Variants in ARL8B observed in about 807,000 individuals in gnomAD.
ARL8B encodes the protein ARF like GTPase 8B.
Under a neutral mutation model 30.6 loss-of-function variants are expected in ARL8B, and 9 were observed. The observed-to-expected ratio is 0.29, with a 90% CI of 0.18 to 0.51. The LOEUF (loss-of-function observed/expected upper bound fraction) is 0.51, where lower values mean the gene tolerates loss of function less well. Among genes scored for constraint, ARL8B ranks in the 20% least tolerant of loss-of-function variants. The probability of loss-of-function intolerance (pLI) is 0.97; values close to 1 mark genes in which losing one functional copy is unlikely to be tolerated. For missense variants in ARL8B, 130 were observed against 227.2 expected (o/e 0.57, Z 2.75); for synonymous variants, 74 against 76.0 (o/e 0.97, Z 0.14).
At chr3:5,168,847 C>G (rs550054100) in intron 1 of ARL8B, among the ~76,000 whole-genome samples, 2 of 152,288 alleles carry the variant, frequency 1.3e-5, no homozygotes, top group African/African-American at 4.8e-5. Context: ...ATTTTAGCTA[C>G]TATTTTTCCT....
chr3:5,165,190 T>C (rs2054613743), intron 1 of ARL8B, among the ~76,000 whole-genome samples: 1 of 152,208 alleles, frequency 6.6e-6, no homozygotes, highest in Non-Finnish European at 1.5e-5. Context: ...AACTTCTTGC[T>C]CTTCATCAAA....
intron 1 of ARL8B, among the ~76,000 whole-genome samples, chr3:5,136,505 G>A (rs1432940710): frequency 6.6e-6 from 1 of 152,134 alleles, no homozygotes; most frequent in Non-Finnish European, 1.5e-5. Flanking sequence ...TGGAAGCTGG[G>A]CATGACTTTA....
chr3:5,136,560 A>C (rs2054327288), intron 1 of ARL8B, among the ~76,000 whole-genome samples: 1 of 152,182 alleles, frequency 6.6e-6, no homozygotes, highest in African/African-American at 2.4e-5. Flanking sequence ...TCTTTGTGCC[A>C]AGTGTTTTAA....
rs58427131 is a variant in ARL8B at position 5,153,630 on chromosome 3, G to GA, written c.124-16864dup. 1.0e-3 allele frequency among the ~76,000 whole-genome samples: 154 copies of GA among 151,384 alleles called. 1 individual carries two copies. Among genetic ancestry groups the GA allele is most frequent in the Non-Finnish European group, 6.8e-4 (46 of 67,808 alleles). On this transcript the variant is annotated intron_variant, in intron 1 of 6. Transcript: ENST00000256496. ...CAATGTCGAATTTTACCTATTCTTT[G>GA]AAAAAAAAATTTTTTCCTTTCAGCC...
chr3:5,151,872 A>C (rs397188), intron 1 of ARL8B, among the ~76,000 whole-genome samples: 1 of 152,080 alleles, frequency 6.6e-6, no homozygotes, highest in Non-Finnish European at 1.5e-5. Context: ...CCACAGGCTC[A>C]CACGACCACG....
chr3:5,170,792 C>T (rs1167749870), intron 2 of ARL8B: 3 of 427,944 alleles, frequency 7.0e-6, no homozygotes, highest in African/African-American at 4.2e-5. Flanking sequence ...AGTGCAGTGT[C>T]GCGATCTCCA....
At chr3:5,130,588 C>T (rs958718293) in intron 1 of ARL8B, among the ~76,000 whole-genome samples, 1 of 150,742 alleles carries the variant, frequency 6.6e-6, no homozygotes, top group African/African-American at 2.4e-5. Context: ...GGCTGAAGGG[C>T]AGTGGCATGA....
chr3:5,139,744 A>G (rs568141537), intron 1 of ARL8B, among the ~76,000 whole-genome samples: 1 of 152,322 alleles, frequency 6.6e-6, no homozygotes, highest in African/African-American at 2.4e-5. Context: ...TGGCCCAGAA[A>G]AACTCCTATG....
chr3:5,154,783 T>C (rs1347724904), intron 1 of ARL8B, among the ~76,000 whole-genome samples: 1 of 152,242 alleles, frequency 6.6e-6, no homozygotes. Context: ...CGATCTTGGC[T>C]CACTGCAACC....
intron 2 of ARL8B, 62 bp from the exon 3 acceptor site, chr3:5,172,088 T>G: frequency 1.4e-6 from 2 of 1,442,334 alleles, no homozygotes. Flanking sequence ...TTTCTGTTAC[T>G]TCCTCTTGCA....
intron 1 of ARL8B, among the ~76,000 whole-genome samples, chr3:5,166,546 C>T (rs1440830088): frequency 6.6e-6 from 1 of 151,110 alleles, no homozygotes; most frequent in African/African-American, 2.4e-5. Flanking sequence ...CCATGTTGCC[C>T]AGACTGGTCT....
rs141881041 is a variant in ARL8B at position 5,153,841 on chromosome 3, G to A, written c.124-16662G>A. ...TCTGCTGGCTACAGATTTTAGTTTA[G>A]TTTAGTTTTCCTGCATCTGAGAATG... On this transcript the variant is annotated intron_variant, in intron 1 of 6. Coordinates refer to ENST00000256496, the MANE Select transcript of ARL8B (RefSeq NM_018184.3). Among the ~76,000 whole-genome samples the A allele has an allele frequency of 5.7e-3, 871 of 151,920 alleles. 13 individuals are homozygous for A. The highest frequency in any genetic ancestry group is 0.02 in the African/African-American group (809 of 41,474).
intron 1 of ARL8B, among the ~76,000 whole-genome samples, chr3:5,124,586 C>T (rs2054213712): frequency 6.6e-6 from 1 of 152,086 alleles, no homozygotes; most frequent in Admixed American, 6.6e-5. Flanking sequence ...CCTGTCTCAG[C>T]CTCCCAAGTA....
At chr3:5,149,027 G>A (rs1008626322) in intron 1 of ARL8B, among the ~76,000 whole-genome samples, 6 of 152,202 alleles carry the variant, frequency 3.9e-5, no homozygotes, top group South Asian at 2.1e-4. Flanking sequence ...CCTGAGCATC[G>A]GTTTGTCCGT....
chr3:5,170,642 T>A, intron 2 of ARL8B, 59 bp downstream of exon 2: 1 of 1,312,460 alleles, frequency 7.6e-7, no homozygotes, highest in Non-Finnish European at 1.1e-6. Context: ...TAGAAATTTT[T>A]CTGTTAAATT....
chr3:5,174,143 T>G, intron 5 of ARL8B, 59 bp downstream of exon 5: 1 of 1,458,008 alleles, frequency 6.9e-7, no homozygotes, highest in Non-Finnish European at 9.6e-7. Context: ...TTTTGCCCAC[T>G]TGTTATGTTA....
At chr3:5,157,903 T>C (rs967761499) in intron 1 of ARL8B, 1 of 152,094 alleles carries the variant, frequency 6.6e-6, no homozygotes, top group Non-Finnish European at 1.5e-5. Context: ...CCAGATAGAT[T>C]GTGCTTCAAG....
chr3:5,175,959 A>G (rs1316510072), intron 6 of ARL8B, among the ~76,000 whole-genome samples: 1 of 152,182 alleles, frequency 6.6e-6, no homozygotes. Flanking sequence ...TAAAAGTCAC[A>G]TTCTGAGGTT....
At chr3:5,173,112 A>T (rs546335264) in intron 4 of ARL8B, among the ~76,000 whole-genome samples, 2 of 152,284 alleles carry the variant, frequency 1.3e-5, no homozygotes, top group South Asian at 4.1e-4. Flanking sequence ...AGGGGATATG[A>T]GAGTTGTAAT....
Sources: gnomAD v4.1 joint callset for allele counts (sites outside exome capture counted in the v4.1 genomes callset) on GRCh38, gnomAD v4.1.1 for gene constraint, MANE v1.5 for transcripts, NCBI Gene and HGNC (gene_info 2026-07-23, HGNC 2026-07-21) for gene names.